PAM: variants seen among roughly 807,000 people sequenced by gnomAD.
PAM encodes peptidyl-glycine alpha-amidating monooxygenase.
Under a neutral mutation model 122.1 loss-of-function variants are expected in PAM, and 72 were observed. The observed-to-expected ratio is 0.59, with a 90% CI of 0.49 to 0.72. The LOEUF is 0.72. Among genes scored for constraint, PAM ranks in the 30% least tolerant of loss-of-function variants. PAM has a pLI of 0.00. For synonymous variants in PAM, 389 were observed against 404.4 expected, an observed-to-expected ratio of 0.96 and a Z score of 0.46; for missense variants, 1,106 against 1,183.7, an observed-to-expected ratio of 0.93 and a Z score of 0.96.
At chr5:102,998,461 C>A (rs1274722503) in intron 16 of PAM, among the ~76,000 whole-genome samples, 1 of 152,118 alleles carries the variant, frequency 6.6e-6, no homozygotes, top group African/African-American at 2.4e-5. Context: ...TCAGAACTCA[C>A]AATCTACATA....
At chr5:102,836,031 T>G (rs975794147) in intron 1 of PAM, among the ~76,000 whole-genome samples, 1 of 152,150 alleles carries the variant, frequency 6.6e-6, no homozygotes, top group Non-Finnish European at 1.5e-5. Flanking sequence ...CGAATTGCCA[T>G]TTGTCTGGGA....
At chr5:102,836,114 T>A (rs925510262) in intron 1 of PAM, among the ~76,000 whole-genome samples, 1 of 152,182 alleles carries the variant, frequency 6.6e-6, no homozygotes, top group Non-Finnish European at 1.5e-5. Flanking sequence ...TGTGAAAAAA[T>A]TTAAGTGCTC....
At chr5:102,859,993 T>C (rs532920301) in intron 1 of PAM, among the ~76,000 whole-genome samples, 22 of 152,292 alleles carry the variant, frequency 1.4e-4, no homozygotes, top group African/African-American at 5.3e-4. Context: ...AAGGATGAAA[T>C]GGCCTAACAT....
intron 1 of PAM, among the ~76,000 whole-genome samples, chr5:102,844,904 A>G (rs1237454453): frequency 1.3e-5 from 2 of 152,162 alleles, no homozygotes; most frequent in African/African-American, 4.8e-5. Context: ...GTTTTTACAT[A>G]CAGGACTTGG....
At chr5:102,891,605 A>G (rs1342019566) in intron 3 of PAM, among the ~76,000 whole-genome samples, 1 of 151,812 alleles carries the variant, frequency 6.6e-6, no homozygotes, top group Admixed American at 6.6e-5. Flanking sequence ...AAAAAGTATA[A>G]TTTTTCAGAA....
At chr5:103,028,547 T>A (rs771643013) in intron 25 of PAM, among the ~76,000 whole-genome samples, 8 of 152,206 alleles carry the variant, frequency 5.3e-5, no homozygotes, top group Non-Finnish European at 1.0e-4. Flanking sequence ...TCAATGTTTG[T>A]CATAGTAAAG....
intron 16 of PAM, among the ~76,000 whole-genome samples, chr5:102,992,610 G>A (rs975521846): frequency 3.9e-5 from 6 of 151,962 alleles, no homozygotes; most frequent in Non-Finnish European, 5.9e-5. Context: ...GAAGTATATC[G>A]GGTTTTTTTT....
At chr5:102,846,222 C>T (rs1264518642) in intron 1 of PAM, among the ~76,000 whole-genome samples, 1 of 152,162 alleles carries the variant, frequency 6.6e-6, no homozygotes, top group Non-Finnish European at 1.5e-5. Context: ...CCCCAACTTC[C>T]ATTTCAGCCT....
intron 1 of PAM, among the ~76,000 whole-genome samples, chr5:102,783,201 T>C (rs1014819601): frequency 1.4e-5 from 2 of 143,586 alleles, no homozygotes; most frequent in African/African-American, 2.6e-5. Flanking sequence ...CAGTTCAAAA[T>C]GAAAATGTGG....
At chr5:102,974,019 A>G (rs1011326835) in intron 14 of PAM, 97 bp from the exon 15 acceptor site, 2 of 743,024 alleles carry the variant, frequency 2.7e-6, no homozygotes, top group Admixed American at 2.8e-5. Context: ...CTTATTTATT[A>G]TGAGAAATGA....
intron 1 of PAM, among the ~76,000 whole-genome samples, chr5:102,858,209 GTTAT>G (rs1043685686): frequency 1.2e-4 from 19 of 152,124 alleles, no homozygotes; most frequent in African/African-American, 4.6e-4. Context: ...ACTTTTTTAA[GTTAT>G]TTATTTCTTA....
chr5:102,950,277 G>C (rs1353778984), intron 11 of PAM, among the ~76,000 whole-genome samples: 2 of 152,022 alleles, frequency 1.3e-5, no homozygotes, highest in Non-Finnish European at 2.9e-5. Context: ...GGATGCATTT[G>C]CTAATAGTAT....
chr5:102,814,025 G>A (rs1318078052), intron 1 of PAM, among the ~76,000 whole-genome samples: 1 of 152,182 alleles, frequency 6.6e-6, no homozygotes, highest in Non-Finnish European at 1.5e-5. Flanking sequence ...TAAGGAGTCT[G>A]TGGTAGGGGC....
At chr5:102,954,972 G>T (rs1490926588) in intron 12 of PAM, among the ~76,000 whole-genome samples, 1 of 152,030 alleles carries the variant, frequency 6.6e-6, no homozygotes, top group Non-Finnish European at 1.5e-5. Context: ...AAAGTTACAT[G>T]ATAAATAACT....
chr5:102,937,503 C>A (rs1390946507), intron 7 of PAM, among the ~76,000 whole-genome samples: 1 of 152,066 alleles, frequency 6.6e-6, no homozygotes, highest in Non-Finnish European at 1.5e-5. Context: ...GAAAGCATGA[C>A]GTTTTTTTCC....
intron 5 of PAM, among the ~76,000 whole-genome samples, chr5:102,920,069 C>A (rs1746859234): frequency 6.6e-6 from 1 of 151,986 alleles, no homozygotes. Context: ...GAAATCGGAA[C>A]ATCTTGGTTT....
At chr5:102,987,849 C>A (rs1772429496) in intron 15 of PAM, among the ~76,000 whole-genome samples, 1 of 152,142 alleles carries the variant, frequency 6.6e-6, no homozygotes, top group South Asian at 2.1e-4. Context: ...ATTCTGCCCA[C>A]CTTCTCTCCA....
At position 102,866,662 on chromosome 5, in the gene PAM, A is replaced by C. The variant is rs373878696; in HGVS notation, c.89+378A>C. Reference sequence around the variant, plus strand: ...CAGATCATAGACTGTAATAGCTCACAAGGAAACACTGAGCTGTATACAAAC... The same window carrying C: ...CAGATCATAGACTGTAATAGCTCACCAGGAAACACTGAGCTGTATACAAAC... On this transcript the variant is annotated intron_variant, in intron 2 of 25. Coordinates refer to ENST00000438793, the MANE Select transcript of PAM (RefSeq NM_001177306.2). The C allele has an allele frequency of 6.3e-5, 12 of 191,404 alleles. 1 individual carries two copies. Among genetic ancestry groups the C allele is most frequent in the Non-Finnish European group, 1.3e-4 (12 of 92,676 alleles). 11.9% of individuals were successfully genotyped at this position (191,404 alleles called of 1,614,324 possible).
At chr5:102,994,740 A>G (rs1775149816) in intron 16 of PAM, among the ~76,000 whole-genome samples, 1 of 152,152 alleles carries the variant, frequency 6.6e-6, no homozygotes, top group Admixed American at 6.6e-5. Context: ...CTTTATTCCA[A>G]TTATGTTCCA....
Sources: gnomAD v4.1 joint callset for allele counts (sites outside exome capture counted in the v4.1 genomes callset) on GRCh38, gnomAD v4.1.1 for gene constraint, MANE v1.5 for transcripts, NCBI Gene and HGNC (gene_info 2026-07-23, HGNC 2026-07-21) for gene names.